The following FRAS1 variants were observed in gnomAD, a reference collection of about 807,000 sequenced individuals.
The protein encoded by FRAS1 is extracellular matrix organizing protein FRAS1.
A neutral mutation model predicts 435.2 loss-of-function variants in FRAS1; 290 were observed. The ratio of observed to expected loss-of-function variants is 0.67; its 90% CI spans 0.61 to 0.73. The LOEUF (loss-of-function observed/expected upper bound fraction) is 0.73. Ranked by LOEUF, FRAS1 falls within the 30% of genes least tolerant of loss-of-function variation. The pLI, the probability that FRAS1 is intolerant of heterozygous loss-of-function variation, is 0.00. For missense variants in FRAS1, 4,860 were observed against 5,001.5 expected (o/e 0.97, Z 0.85); for synonymous variants, 1,800 against 1,851.0 (o/e 0.97, Z 0.71).
intron 2 of FRAS1, among the ~76,000 whole-genome samples, chr4:78,118,484 G>C (rs1718799815): frequency 6.6e-6 from 1 of 152,112 alleles, no homozygotes; most frequent in South Asian, 2.1e-4. Flanking sequence ...GAGCTTCCCG[G>C]CTGCTTTGTT....
At chr4:78,101,433 T>C (rs1287876889) in intron 2 of FRAS1, among the ~76,000 whole-genome samples, 1 of 152,226 alleles carries the variant, frequency 6.6e-6, no homozygotes, top group Non-Finnish European at 1.5e-5. Context: ...AACTACTTGG[T>C]ATTCCTGTAT....
At chr4:78,361,183 A>T (rs1286338997) in intron 20 of FRAS1, among the ~76,000 whole-genome samples, 2 of 152,216 alleles carry the variant, frequency 1.3e-5, no homozygotes, top group African/African-American at 2.4e-5. Flanking sequence ...AAGCTTTTTA[A>T]ATTTCCCTTC....
chr4:78,485,195 G>A (rs1720131419), intron 58 of FRAS1, among the ~76,000 whole-genome samples: 1 of 152,058 alleles, frequency 6.6e-6, no homozygotes, highest in Non-Finnish European at 1.5e-5. Flanking sequence ...TTGTTGTGAG[G>A]ATTAAATTAG....
intron 15 of FRAS1, among the ~76,000 whole-genome samples, chr4:78,312,263 T>G (rs1019047103): frequency 4.6e-5 from 7 of 150,632 alleles, no homozygotes; most frequent in African/African-American, 1.7e-4. Flanking sequence ...CAACATTGTT[T>G]AGTAATTCAG....
chr4:78,461,646 TG>T (rs1395533526), intron 47 of FRAS1, among the ~76,000 whole-genome samples: 1 of 152,094 alleles, frequency 6.6e-6, no homozygotes, highest in Non-Finnish European at 1.5e-5. Flanking sequence ...TGCAATATAG[TG>T]AGAATATAAA....
intron 60 of FRAS1, 122 bp from the exon 61 acceptor site, chr4:78,499,599 T>C (rs1412860302): frequency 3.8e-6 from 3 of 798,460 alleles, no homozygotes; most frequent in Admixed American, 2.5e-5. Context: ...CAAGCCATTT[T>C]GCCTTCATAC....
chr4:78,366,608 A>AC (rs1305679561), intron 22 of FRAS1, among the ~76,000 whole-genome samples: 1 of 151,788 alleles, frequency 6.6e-6, no homozygotes, highest in Non-Finnish European at 1.5e-5. Context: ...AGGTGATTGA[A>AC]CCCCCACACT....
chr4:78,273,098 G>T (rs944151037), intron 9 of FRAS1, among the ~76,000 whole-genome samples: 28 of 152,284 alleles, frequency 1.8e-4, no homozygotes, highest in African/African-American at 6.0e-4. Flanking sequence ...GTTCATGCAT[G>T]ATTTGGCTCT....
chr4:78,487,003 G>A (rs1387102079), intron 58 of FRAS1, among the ~76,000 whole-genome samples: 1 of 152,132 alleles, frequency 6.6e-6, no homozygotes, highest in African/African-American at 2.4e-5. Flanking sequence ...CTTGAGGCCT[G>A]TCAGGCCAGC....
chr4:78,447,908 A>G, intron 43 of FRAS1, 145 bp from the exon 44 acceptor site: 1 of 645,432 alleles, frequency 1.5e-6, no homozygotes, highest in Non-Finnish European at 2.6e-6. Flanking sequence ...TATATGTAAA[A>G]TGCTAAGCTG....
chr4:78,127,700 G>A (rs1486672751), intron 2 of FRAS1, among the ~76,000 whole-genome samples: 2 of 151,962 alleles, frequency 1.3e-5, no homozygotes, highest in East Asian at 1.9e-4. Context: ...GAAGAGGATC[G>A]TTTAGAGGAA....
At chr4:78,119,418 G>A (rs1269806045) in intron 2 of FRAS1, among the ~76,000 whole-genome samples, 1 of 152,050 alleles carries the variant, frequency 6.6e-6, no homozygotes, top group Non-Finnish European at 1.5e-5. Flanking sequence ...CCCTACATAT[G>A]AGTGAGAATA....
At chr4:78,279,779 G>A (rs1473113923) in intron 10 of FRAS1, among the ~76,000 whole-genome samples, 1 of 151,968 alleles carries the variant, frequency 6.6e-6, no homozygotes, top group Non-Finnish European at 1.5e-5. Flanking sequence ...TTAAAAATAT[G>A]CCAGTTGATC....
At chr4:78,090,731 T>C (rs1301141363) in intron 2 of FRAS1, among the ~76,000 whole-genome samples, 1 of 152,210 alleles carries the variant, frequency 6.6e-6, no homozygotes, top group Admixed American at 6.6e-5. Flanking sequence ...AGGATTTTTT[T>C]TTCTACAAGT....
intron 22 of FRAS1, among the ~76,000 whole-genome samples, chr4:78,367,319 T>A (rs1731311703): frequency 6.6e-6 from 1 of 151,942 alleles, no homozygotes; most frequent in Non-Finnish European, 1.5e-5. Context: ...GCAGGTTTGC[T>A]TGAGCCCGGG....
At chr4:78,329,154 A>ACCCATCCC (rs1729835515) in intron 18 of FRAS1, among the ~76,000 whole-genome samples, 1 of 152,224 alleles carries the variant, frequency 6.6e-6, no homozygotes, top group African/African-American at 2.4e-5. Context: ...GAGTTGTGTT[A>ACCCATCCC]AGCCTCCTTA....
chr4:78,392,598 T>C (rs1023214208), intron 29 of FRAS1, among the ~76,000 whole-genome samples: 10 of 152,116 alleles, frequency 6.6e-5, no homozygotes, highest in Non-Finnish European at 1.5e-4. Flanking sequence ...CATTTCTGCA[T>C]GCCTATTGTT....
intron 14 of FRAS1, among the ~76,000 whole-genome samples, chr4:78,298,922 A>G (rs1247064330): frequency 1.3e-5 from 2 of 152,238 alleles, no homozygotes; most frequent in East Asian, 3.8e-4. Flanking sequence ...AAGTTAGTAC[A>G]GTAGGATAAA....
chr4:78,420,584 T>C (rs1553958010), intron 33 of FRAS1, among the ~76,000 whole-genome samples: 1 of 152,168 alleles, frequency 6.6e-6, no homozygotes, highest in Non-Finnish European at 1.5e-5. Flanking sequence ...ATTCAGTTCT[T>C]AGAATAATCA....
Sources: gnomAD v4.1 joint callset for allele counts (sites outside exome capture counted in the v4.1 genomes callset) on GRCh38, gnomAD v4.1.1 for gene constraint, MANE v1.5 for transcripts, NCBI Gene and HGNC (gene_info 2026-07-23, HGNC 2026-07-21) for gene names.